The following KPNA4 variants were observed in gnomAD, a reference collection of about 807,000 sequenced individuals.
The protein encoded by KPNA4 is importin subunit alpha-3.
In KPNA4, 13 loss-of-function variants were observed where a neutral mutation model predicts 71.3. The observed-to-expected ratio is 0.18, with a 90% CI of 0.12 to 0.29. KPNA4 has a LOEUF of 0.29. Ranked by LOEUF, KPNA4 falls within the 10% of genes least tolerant of loss-of-function variation. KPNA4 has a pLI of 1.00. For missense variants in KPNA4, 334 were observed against 603.2 expected, an observed-to-expected ratio of 0.55 and a Z score of 4.67; for synonymous variants, 189 against 195.2, an observed-to-expected ratio of 0.97 and a Z score of 0.26.
rs1303378182 is a variant in KPNA4, at chr3:160,526,010, T to C, written c.654A>G (p.Arg218=). The part of the protein sequence containing the change: ...ISPSIPITFL[R]NVTWVMVNLC... ...AGTTGACCATAACCCAAGTAACATT[T>C]CTTAAGAATGTTATAGGAATAGATG... Residue 218 remains arginine (R), a synonymous_variant, in exon 9 of 17, where the codon AGA becomes AGG. Coordinates refer to ENST00000334256, the MANE Select transcript of KPNA4 (RefSeq NM_002268.5). The C allele has an allele frequency of 2.5e-6, 4 of 1,603,196 alleles. No individual in the cohort carries two copies. The Admixed American group carries it at 6.8e-5, about 27-fold the overall frequency.
chr3:160,499,896 A>G lies in KPNA4; in HGVS notation c.*2208T>C, dbSNP rs1299990011. The G allele has an allele frequency of 6.6e-6, 1 of 152,176 alleles. No homozygotes were observed. The highest frequency in any genetic ancestry group is 1.5e-5 in the Non-Finnish European group (1 of 68,002). 9.4% of individuals were successfully genotyped at this position (152,176 alleles called of 1,614,324 possible). On this transcript the variant is annotated 3_prime_UTR_variant, in exon 17 of 17. Transcript: ENST00000334256. ...GAAGATATAGCAATACTCAAAATAT[A>G]GTTCAAGTTGTCTCGGTCTGTTTTA...
chr3:160,525,477 C>G (rs1721440364), intron 10 of KPNA4, among the ~76,000 whole-genome samples: 1 of 152,136 alleles, frequency 6.6e-6, no homozygotes, highest in Non-Finnish European at 1.5e-5. Flanking sequence ...AGAGAAATCA[C>G]CACTATCTGG....
intron 13 of KPNA4, among the ~76,000 whole-genome samples, chr3:160,512,769 T>G (rs1007846342): frequency 3.3e-5 from 5 of 152,092 alleles, no homozygotes; most frequent in African/African-American, 1.2e-4. Flanking sequence ...GAGGTAGAGA[T>G]TGCAGTGAGC....
chr3:160,561,977 C>T (rs1306563012), intron 1 of KPNA4, among the ~76,000 whole-genome samples: 1 of 152,070 alleles, frequency 6.6e-6, no homozygotes, highest in Non-Finnish European at 1.5e-5. Flanking sequence ...GATGAAAGAA[C>T]CATAAGACTA....
At chr3:160,551,641 G>T (rs1401266630) in intron 1 of KPNA4, among the ~76,000 whole-genome samples, 1 of 152,164 alleles carries the variant, frequency 6.6e-6, no homozygotes, top group Admixed American at 6.5e-5. Context: ...AAAAAGGTAA[G>T]AATTAATTTG....
rs541736995 is a variant in KPNA4 at position 160,530,021 on chromosome 3, G to A, written c.469+834C>T. ...GTGGTGGTGGGCGCCTGTAGCCCCA[G>A]GTACTTGGGAGACGGAAGCAGGAGA... On this transcript the variant is annotated intron_variant, in intron 7 of 16. Coordinates refer to ENST00000334256, the MANE Select transcript of KPNA4 (RefSeq NM_002268.5). Among the ~76,000 whole-genome samples the A allele has an allele frequency of 1.3e-3, 199 of 151,592 alleles. 1 individual carries two copies. Among genetic ancestry groups the A allele is most frequent in the African/African-American group, 4.6e-3 (191 of 41,290 alleles).
chr3:160,536,894 C>T (rs1721704134), intron 1 of KPNA4, 54 bp from the exon 2 acceptor site: 3 of 1,038,000 alleles, frequency 2.9e-6, no homozygotes, highest in African/African-American at 1.6e-5. Flanking sequence ...TTCCATTATC[C>T]AGAGAAAACC....
rs958625801 is a variant in KPNA4 at position 160,565,461 on chromosome 3, C to G, written c.-179G>C. On this transcript the variant is annotated 5_prime_UTR_variant, in exon 1 of 17. Transcript: ENST00000334256. ...GCCTTCTCCTCTCCCCGCCCGCCCCCCCGCCCTAACCCCAGCGCGACTGCA... is the reference window on the plus strand; with the variant it reads ...GCCTTCTCCTCTCCCCGCCCGCCCCGCCGCCCTAACCCCAGCGCGACTGCA... The G allele has an allele frequency of 1.7e-6, 1 of 580,316 alleles. No individual in the cohort carries two copies. Among genetic ancestry groups the G allele is most frequent in the South Asian group, 2.1e-5 (1 of 48,446 alleles). 35.9% of individuals were successfully genotyped at this position (580,316 alleles called of 1,614,324 possible).
chr3:160,535,360 AT>A (rs1307414750), intron 5 of KPNA4, among the ~76,000 whole-genome samples, 152 bp downstream of exon 5: 1 of 152,220 alleles, frequency 6.6e-6, no homozygotes, highest in Non-Finnish European at 1.5e-5. Flanking sequence ...AAACCACAGA[AT>A]TAAAAAAATA....
intron 1 of KPNA4, among the ~76,000 whole-genome samples, chr3:160,549,812 T>C (rs1722001396): frequency 6.6e-6 from 1 of 152,250 alleles, no homozygotes; most frequent in Non-Finnish European, 1.5e-5. Flanking sequence ...ATGATTTTGA[T>C]AGGGCTTGCA....
chr3:160,508,002 G>A, intron 15 of KPNA4, 105 bp downstream of exon 15: 1 of 850,972 alleles, frequency 1.2e-6, no homozygotes, highest in Non-Finnish European at 1.8e-6. Context: ...TCTGTTACTT[G>A]AATATCTAAG....
chr3:160,506,612 G>C (rs1331178840), intron 15 of KPNA4, among the ~76,000 whole-genome samples: 2 of 152,048 alleles, frequency 1.3e-5, no homozygotes, highest in South Asian at 2.1e-4. Context: ...AATCCACTGG[G>C]GATTCCTGGG....
chr3:160,512,979 C>A (rs896778304), intron 13 of KPNA4, among the ~76,000 whole-genome samples: 1 of 152,090 alleles, frequency 6.6e-6, no homozygotes, highest in Admixed American at 6.5e-5. Context: ...ACCTAAAAAC[C>A]ATAGGTGAAA....
At chr3:160,533,715 T>TA (rs1721618057) in intron 5 of KPNA4, among the ~76,000 whole-genome samples, 1 of 152,184 alleles carries the variant, frequency 6.6e-6, no homozygotes, top group Non-Finnish European at 1.5e-5. Context: ...AATACCAGTG[T>TA]AAACATTAAC....
intron 8 of KPNA4, 42 bp downstream of exon 8, chr3:160,527,911 T>C: frequency 6.9e-7 from 1 of 1,451,878 alleles, no homozygotes; most frequent in Non-Finnish European, 9.6e-7. Flanking sequence ...ACTTAGTATA[T>C]GATAACAATT....
chr3:160,558,365 G>T (rs1168694912), intron 1 of KPNA4, among the ~76,000 whole-genome samples: 1 of 152,182 alleles, frequency 6.6e-6, no homozygotes, highest in African/African-American at 2.4e-5. Flanking sequence ...ATGGAACATA[G>T]GGGTTTACTT....
At chr3:160,561,085 A>G (rs1048157005) in intron 1 of KPNA4, among the ~76,000 whole-genome samples, 2 of 152,024 alleles carry the variant, frequency 1.3e-5, no homozygotes, top group Non-Finnish European at 2.9e-5. Flanking sequence ...CTGACTTCAT[A>G]TTTTATGTTT....
chr3:160,500,797 G>A lies in KPNA4; in HGVS notation c.*1307C>T, dbSNP rs1233502677. 2.6e-5 allele frequency: 4 copies of A among 152,398 alleles called. No individual in the cohort carries two copies. Among genetic ancestry groups the A allele is most frequent in the Non-Finnish European group, 2.9e-5 (2 of 67,974 alleles). The allele number at this position is 152,398 out of a possible 1,614,324, so 9.4% of individuals were successfully genotyped here. ...GTACATCTACTCAAACCTCTTCATC[G>A]GTCTTTATTCAGCAGTACATATGCA... On this transcript the variant is annotated 3_prime_UTR_variant, in exon 17 of 17. Transcript: ENST00000334256.
chr3:160,552,614 G>A (rs1278763837), intron 1 of KPNA4, among the ~76,000 whole-genome samples: 1 of 152,116 alleles, frequency 6.6e-6, no homozygotes, highest in African/African-American at 2.4e-5. Flanking sequence ...AGGAAAACAG[G>A]GGGGTTTAAC....
Sources: allele counts gnomAD v4.1 joint callset (sites outside exome capture counted in the v4.1 genomes callset), GRCh38; gene constraint gnomAD v4.1.1; transcripts MANE v1.5; gene names NCBI Gene and HGNC (gene_info 2026-07-23, HGNC 2026-07-21).